The following CCT8L2 variants were observed in gnomAD, a reference collection of about 807,000 sequenced individuals.
The protein encoded by CCT8L2 is T-complex protein 1 subunit theta-like 2.
Under a neutral mutation model 31.5 loss-of-function variants are expected in CCT8L2, and 29 were observed. That is an observed-to-expected ratio of 0.92 (90% confidence interval 0.68 to 1.25). The LOEUF (loss-of-function observed/expected upper bound fraction) is 1.25. Ranked by LOEUF, CCT8L2 falls within the 50% of genes most tolerant of loss-of-function variation. CCT8L2 has a pLI of 0.00. For missense variants in CCT8L2, 589 were observed against 695.7 expected, an observed-to-expected ratio of 0.85 and a Z score of 1.73; for synonymous variants, 256 against 290.1, an observed-to-expected ratio of 0.88 and a Z score of 1.19.
Position 16,591,213 on chromosome 22 carries a change from C to T in CCT8L2, c.1338G>A (p.Lys446=), listed in dbSNP as rs1568981594. The T allele has an allele frequency of 8.7e-6, 14 of 1,614,044 alleles. No homozygotes were observed. The highest frequency in any genetic ancestry group is 1.2e-5 in the Non-Finnish European group (14 of 1,179,878). ...TCTCTGCCAAAGTTTTAGGAAGATA[C>T]TTCAGGGCCCAGGCAAATGCTAGGA... The part of the protein sequence containing the change: ...PAFLAFAWAL[K]YLPKTLAENA... Residue 446 remains lysine (K), a synonymous_variant, in exon 1 of 1, where the codon AAG becomes AAA. Transcript: ENST00000359963.
At position 16,591,273 on chromosome 22, in the gene CCT8L2, T is replaced by G; in HGVS notation, c.1278A>C (p.Lys426Asn). The G allele has an allele frequency of 1.2e-6, 2 of 1,614,006 alleles. No homozygotes were observed. Among genetic ancestry groups the G allele is most frequent in the Non-Finnish European group, 1.7e-6 (2 of 1,179,876 alleles). The change falls in exon 1 of 1, where the codon AAA (lysine) becomes AAC (asparagine). Residue 426 changes from lysine to asparagine, a missense_variant. Transcript: ENST00000359963. ...CACTGGGCCCTTCCAATCTGCTTCC[T>G]TTATCAGAAAGCATTTTTGCCAAAG... ...EMALAKMLSD[K>N]GSRLEGPSGP... is the part of the protein sequence containing the mutation.
At position 16,592,443 on chromosome 22, in the gene CCT8L2, G is replaced by A. The variant is rs1335513197; in HGVS notation, c.108C>T (p.Ser36=). The A allele has an allele frequency of 6.2e-7, 1 of 1,614,054 alleles. No individual in the cohort carries two copies. The highest frequency in any genetic ancestry group is 8.5e-7 in the Non-Finnish European group (1 of 1,180,052). Residue 36 remains serine (S), a synonymous_variant, in exon 1 of 1, where the codon AGC becomes AGT. Transcript: ENST00000359963. ...PEEEEPHLLS[S]LAAVQTLASV... is the part of the protein sequence containing the mutation. ...TGGCCAGGGTCTGGACTGCAGCCAAGCTGCTCAGCAGGTGGGGCTCCTCCT... is the reference window on the plus strand; with the variant it reads ...TGGCCAGGGTCTGGACTGCAGCCAAACTGCTCAGCAGGTGGGGCTCCTCCT...
Position 16,591,151 on chromosome 22 carries a change from A to G in CCT8L2, c.1400T>C (p.Met467Thr), listed in dbSNP as rs138064930. 16 of 1,613,870 alleles carry G rather than the reference A, an allele frequency of 9.9e-6. No homozygotes were observed. Among genetic ancestry groups the G allele is most frequent in the Non-Finnish European group, 1.3e-5 (15 of 1,179,874 alleles). Residue 467 changes from methionine to threonine, a missense_variant, in exon 1 of 1, where the codon ATG becomes ACG. Coordinates refer to ENST00000359963, the MANE Select transcript of CCT8L2 (RefSeq NM_014406.5). ...GLAVSDVMAE[M>T]SGVHQGGNLL... The stretch of plus-strand genomic sequence containing the variant: ...GTTCCCACCTTGGTGCACTCCACTC[A>G]TTTCTGCCATCACGTCTGAGACAGC...
Position 16,591,997 on chromosome 22 carries a change from G to GCCA in CCT8L2, c.551_553dup (p.Val184dup), listed in dbSNP as rs2059592546. ...TTCCTTGATAGCCCAGCAGGCGTGG[G>GCCA]CCACCAGCTTGGTCAAGTGGTCCAT... On this transcript the variant is annotated inframe_insertion, in exon 1 of 1. Coordinates refer to ENST00000359963, the MANE Select transcript of CCT8L2 (RefSeq NM_014406.5). 10 of 1,614,192 alleles carry GCCA rather than the reference G, an allele frequency of 6.2e-6. No individual in the cohort carries two copies. The Middle Eastern group carries it at 6.6e-4, about 107-fold the overall frequency.
Position 16,591,722 on chromosome 22 carries a change from A to G in CCT8L2, c.829T>C (p.Leu277=). ...LAQFSKGSDQ[L]LEKQVGQLAA... ...AGCTGGCCTACTTGCTTTTCTAGTAATTGATCGCTTCCTTTACTAAATTGA... is the reference window on the plus strand; with the variant it reads ...AGCTGGCCTACTTGCTTTTCTAGTAGTTGATCGCTTCCTTTACTAAATTGA... The change falls in exon 1 of 1, where the codon TTA becomes CTA. Residue 277 remains leucine (L), a synonymous_variant. Transcript: ENST00000359963. 1.2e-6 allele frequency: 2 copies of G among 1,614,194 alleles called. No individual in the cohort carries two copies. Among genetic ancestry groups the G allele is most frequent in the Non-Finnish European group, 1.7e-6 (2 of 1,180,034 alleles).
In CCT8L2 at chr22:16,590,859, G is replaced by A. The variant is rs769783069; in HGVS notation, c.*18C>T. ...GATTGTTCCCTTCTTGGCAATCCCTGTTTTATTGAGGGTATCACTAGTTAT... is the reference window on the plus strand; with the variant it reads ...GATTGTTCCCTTCTTGGCAATCCCTATTTTATTGAGGGTATCACTAGTTAT... On this transcript the variant is annotated 3_prime_UTR_variant, in exon 1 of 1. Transcript: ENST00000359963. The A allele has an allele frequency of 3.9e-6, 6 of 1,544,856 alleles. No individual in the cohort carries two copies. Among genetic ancestry groups the A allele is most frequent in the Non-Finnish European group, 5.3e-6 (6 of 1,135,018 alleles).
In CCT8L2 at chr22:16,591,014, G is replaced by C; in HGVS notation, c.1537C>G (p.Gln513Glu). Residue 513 changes from glutamine to glutamate, a missense_variant, in exon 1 of 1, where the codon CAG becomes GAG. Physicochemically the swap from Gln to Glu is conservative, Grantham distance 29. Transcript: ENST00000359963. ...GFRAVAEVVL[Q>E]LVTVDEIVVA... is the part of the protein sequence containing the mutation. ...ACGATTTCATCTACAGTCACGAGCT[G>C]TAGCACCACCTCAGCCACTGCTCGA... The C allele has an allele frequency of 6.2e-7, 1 of 1,614,006 alleles. No individual in the cohort carries two copies. The highest frequency in any genetic ancestry group is 8.5e-7 in the Non-Finnish European group (1 of 1,179,868).
rs777527020 is a variant in CCT8L2, at chr22:16,591,183, T to G, written c.1368A>C (p.Ala456=). Residue 456 remains alanine, a synonymous_variant, in exon 1 of 1, where the codon GCA becomes GCC. Coordinates refer to ENST00000359963, the MANE Select transcript of CCT8L2 (RefSeq NM_014406.5). ...CCATCACGTCTGAGACAGCTAAGCC[T>G]GCATTCTCTGCCAAAGTTTTAGGAA... ...KYLPKTLAEN[A]GLAVSDVMAE... 1 of 1,614,050 alleles carries G rather than the reference T, an allele frequency of 6.2e-7. No individual in the cohort carries two copies. The highest frequency in any genetic ancestry group is 2.2e-5 in the East Asian group (1 of 44,890).
Position 16,592,325 on chromosome 22 carries a change from T to C in CCT8L2, c.226A>G (p.Ile76Val). ...TGCTCCAGCTCCAGGGCCCTGAGGATGGCAGTGGCACACCCCGTGCACACT... is the reference window on the plus strand; with the variant it reads ...TGCTCCAGCTCCAGGGCCCTGAGGACGGCAGTGGCACACCCCGTGCACACT... ...ETVCTGCATA[I>V]LRALELEHPA... The change falls in exon 1 of 1, where the codon ATC becomes GTC. Residue 76 changes from isoleucine to valine, a missense_variant. Physicochemically the swap from Ile to Val is conservative, Grantham distance 29. Transcript: ENST00000359963. The C allele has an allele frequency of 6.2e-7, 1 of 1,614,182 alleles. No homozygotes were observed. Among genetic ancestry groups the C allele is most frequent in the Non-Finnish European group, 8.5e-7 (1 of 1,180,022 alleles).
At position 16,592,229 on chromosome 22, in the gene CCT8L2, C is replaced by A; in HGVS notation, c.322G>T (p.Val108Leu). ...AENSGDGTAF[V>L]VLLTEALLEQ... is the part of the protein sequence containing the mutation. ...AGCAAGGCTTCCGTCAGCAGAACCA[C>A]GAAGGCTGTGCCGTCCCCACTATTC... The change falls in exon 1 of 1, where the codon GTG becomes TTG. Residue 108 changes from valine (V) to leucine (L), a missense_variant. By Grantham distance (32) the Val-to-Leu change is conservative (BLOSUM62 1). Transcript: ENST00000359963. The A allele has an allele frequency of 1.2e-6, 2 of 1,614,244 alleles. No homozygotes were observed. Among genetic ancestry groups the A allele is most frequent in the African/African-American group, 1.3e-5 (1 of 75,074 alleles).
Position 16,590,784 on chromosome 22 carries a change from G to A in CCT8L2, c.*93C>T. 1.1e-6 allele frequency: 1 copy of A among 929,424 alleles called. No homozygotes were observed. Among genetic ancestry groups the A allele is most frequent in the Non-Finnish European group, 1.7e-6 (1 of 604,030 alleles). 57.6% of individuals were successfully genotyped at this position (929,424 alleles called of 1,614,324 possible). A position where few individuals can be genotyped will look rare whatever the true frequency, so the allele number is the denominator to read the frequency against. ...TCCTTCATGTTTTTATTTAAAGAAA[G>A]TGAATCAAGTACCAAACACGGAATA... On this transcript the variant is annotated 3_prime_UTR_variant, in exon 1 of 1. Coordinates refer to ENST00000359963, the MANE Select transcript of CCT8L2 (RefSeq NM_014406.5).
At position 16,591,748 on chromosome 22, in the gene CCT8L2, G is replaced by T; in HGVS notation, c.803C>A (p.Ala268Asp). ...TARLSSPADL[A>D]QFSKGSDQLL... Reference sequence around the variant, plus strand: ...TTGATCGCTTCCTTTACTAAATTGAGCTAGATCAGCAGGACTAGAAAGACG... The same window carrying T: ...TTGATCGCTTCCTTTACTAAATTGATCTAGATCAGCAGGACTAGAAAGACG... Residue 268 changes from alanine (A) to aspartate (D), a missense_variant, in exon 1 of 1, where the codon GCT becomes GAT. Transcript: ENST00000359963. 1 of 1,614,172 alleles carries T rather than the reference G, an allele frequency of 6.2e-7. No homozygotes were observed. The highest frequency in any genetic ancestry group is 8.5e-7 in the Non-Finnish European group (1 of 1,180,028).
rs2059588692 is a variant in CCT8L2, at chr22:16,591,214, T to A, written c.1337A>T (p.Lys446Met). ...CTCTGCCAAAGTTTTAGGAAGATAC[T>A]TCAGGGCCCAGGCAAATGCTAGGAA... ...PAFLAFAWALKYLPKTLAENA... is the reference protein window; with the variant it reads ...PAFLAFAWALMYLPKTLAENA... The change falls in exon 1 of 1, where the codon AAG (lysine) becomes ATG (methionine). Residue 446 changes from lysine to methionine, a missense_variant. Coordinates refer to ENST00000359963, the MANE Select transcript of CCT8L2 (RefSeq NM_014406.5). 6.2e-7 allele frequency: 1 copy of A among 1,614,052 alleles called. No individual in the cohort carries two copies. Among genetic ancestry groups the A allele is most frequent in the South Asian group, 1.1e-5 (1 of 91,080 alleles).
rs764131277 is a variant in CCT8L2, at chr22:16,591,232, G to A, written c.1319C>T (p.Ala440Val). The A allele has an allele frequency of 1.9e-6, 3 of 1,614,022 alleles. No individual in the cohort carries two copies. The South Asian group carries it at 3.3e-5, about 18-fold the overall frequency. The change falls in exon 1 of 1, where the codon GCA (alanine) becomes GTA (valine). Residue 440 changes from alanine to valine, a missense_variant. By Grantham distance (64) the Ala-to-Val change is moderately conservative (BLOSUM62 0). Transcript: ENST00000359963. Reference sequence around the variant, plus strand: ...AAGATACTTCAGGGCCCAGGCAAATGCTAGGAATGCAGGCCCACTGGGCCC... The same window carrying A: ...AAGATACTTCAGGGCCCAGGCAAATACTAGGAATGCAGGCCCACTGGGCCC... ...LEGPSGPAFL[A>V]FAWALKYLPK...
Position 16,592,024 on chromosome 22 carries a change from G to A in CCT8L2, c.527C>T (p.Pro176Leu). 1 of 1,614,224 alleles carries A rather than the reference G, an allele frequency of 6.2e-7. No individual in the cohort carries two copies. Among genetic ancestry groups the A allele is most frequent in the East Asian group, 2.2e-5 (1 of 44,878 alleles). ...CACCAGCTTGGTCAAGTGGTCCATG[G>A]GGGACAGGGTGTGGGTATTCATCAC... ...HSVMNTHTLS[P>L]MDHLTKLVAH... is the part of the protein sequence containing the mutation. Residue 176 changes from proline to leucine, a missense_variant, in exon 1 of 1, where the codon CCC (proline) becomes CTC (leucine). Coordinates refer to ENST00000359963, the MANE Select transcript of CCT8L2 (RefSeq NM_014406.5).
chr22:16,592,651 C>T lies in CCT8L2; in HGVS notation c.-101G>A. On this transcript the variant is annotated 5_prime_UTR_variant, in exon 1 of 1. Transcript: ENST00000359963. ...CGATCGTTGAAAGTACTCAAGAGGT[C>T]AGTGGAAGCAAGGAGCCAAATGCCC... is the stretch of plus-strand genomic sequence containing the variant. 9.6e-7 allele frequency: 1 copy of T among 1,037,150 alleles called. No homozygotes were observed. The highest frequency in any genetic ancestry group is 2.6e-5 in the East Asian group (1 of 38,788). 64.2% of individuals were successfully genotyped at this position (1,037,150 alleles called of 1,614,324 possible).
Position 16,592,401 on chromosome 22 carries a change from G to A in CCT8L2, c.150C>T (p.Cys50=). ...ACTTCTGCCGGCCGTGGGGGCCATA[G>A]CAAGGCCGGATGACACTGGCCAGGG... The part of the protein sequence containing the change: ...VQTLASVIRP[C]YGPHGRQKFL... Residue 50 remains cysteine (C), a synonymous_variant, in exon 1 of 1, where the codon TGC becomes TGT. Coordinates refer to ENST00000359963, the MANE Select transcript of CCT8L2 (RefSeq NM_014406.5). 2 of 1,614,180 alleles carry A rather than the reference G, an allele frequency of 1.2e-6. No homozygotes were observed. The highest frequency in any genetic ancestry group is 1.7e-6 in the Non-Finnish European group (2 of 1,180,046).
Position 16,592,736 on chromosome 22 carries a change from A to G in CCT8L2, c.-186T>C. The G allele has an allele frequency of 3.5e-6, 2 of 566,462 alleles. No homozygotes were observed. Among genetic ancestry groups the G allele is most frequent in the Non-Finnish European group, 6.3e-6 (2 of 316,364 alleles). The allele number at this position is 566,462 out of a possible 1,614,324, so 35.1% of individuals were successfully genotyped here. On this transcript the variant is annotated 5_prime_UTR_variant, in exon 1 of 1. Transcript: ENST00000359963. ...GCACTCCACTGTGGGTCCAAGGATG[A>G]GCTCCAAAGAGCCCAGTCCTAAAGC...
chr22:16,592,153 C>T lies in CCT8L2; in HGVS notation c.398G>A (p.Arg133Gln), dbSNP rs149623775. 1.9e-4 allele frequency: 314 copies of T among 1,614,108 alleles called. 1 individual carries two copies. In the African/African-American group the frequency reaches 3.5e-3, roughly 18 times the overall value. Reference protein sequence around the residue: ...LKAGLPRPQLREAYATATAEV... With the variant: ...LKAGLPRPQLQEAYATATAEV... ...TGCAGTGGCCGTGGCGTAGGCCTCCCGGAGCTGCGGGCGAGGCAGGCCAGC... is the reference window on the plus strand; with the variant it reads ...TGCAGTGGCCGTGGCGTAGGCCTCCTGGAGCTGCGGGCGAGGCAGGCCAGC... The change falls in exon 1 of 1, where the codon CGG becomes CAG. Residue 133 changes from arginine to glutamine, a missense_variant. Coordinates refer to ENST00000359963, the MANE Select transcript of CCT8L2 (RefSeq NM_014406.5).
Sources: allele counts gnomAD v4.1 joint callset, GRCh38; gene constraint gnomAD v4.1.1; transcripts MANE v1.5; gene names NCBI Gene and HGNC (gene_info 2026-07-23, HGNC 2026-07-21).